RIOK1: variants seen among roughly 807,000 people sequenced by gnomAD.
RIOK1 encodes serine/threonine-protein kinase RIO1.
A neutral mutation model predicts 73.5 loss-of-function variants in RIOK1; 66 were observed. The ratio of observed to expected loss-of-function variants is 0.90; its 90% CI spans 0.74 to 1.10. The LOEUF (loss-of-function observed/expected upper bound fraction) is 1.10, where lower values mean the gene tolerates loss of function less well. Among genes scored for constraint, RIOK1 ranks in the 50% least tolerant of loss-of-function variants. The pLI, the probability that RIOK1 is intolerant of heterozygous loss-of-function variation, is 0.00. For synonymous variants in RIOK1, 224 were observed against 226.8 expected (o/e 0.99, Z 0.11); for missense variants, 658 against 699.8 (o/e 0.94, Z 0.67).
chr6:7,404,463 T>G lies in RIOK1; in HGVS notation c.900T>G (p.Ala300=), dbSNP rs767026116. The part of the protein sequence containing the change: ...LKNVQLSESK[A]RELYLQVIQY... ...ATGTCCAGTTATCAGAATCCAAGGC[T>G]CGGGAGTTGTACCTGCAGGTCATTC... The change falls in exon 10 of 17, where the codon GCT becomes GCG. Residue 300 remains alanine (A), a synonymous_variant. Coordinates refer to ENST00000379834, the MANE Select transcript of RIOK1 (RefSeq NM_031480.3). 3 of 1,614,168 alleles carry G rather than the reference T, an allele frequency of 1.9e-6. No individual in the cohort carries two copies. Among genetic ancestry groups the G allele is most frequent in the Non-Finnish European group, 2.5e-6 (3 of 1,180,010 alleles).
chr6:7,404,059 C>G, intron 9 of RIOK1, 32 bp downstream of exon 9: 1 of 1,389,316 alleles, frequency 7.2e-7, no homozygotes, highest in Non-Finnish European at 1.0e-6. Flanking sequence ...TAATTGCATT[C>G]TCAGAACTGT....
intron 3 of RIOK1, among the ~76,000 whole-genome samples, chr6:7,395,524 A>AG (rs1761451878): frequency 1.3e-5 from 2 of 151,978 alleles, no homozygotes; most frequent in South Asian, 4.1e-4. Context: ...AAAAAAAAAA[A>AG]AAAAGAAAAA....
intron 6 of RIOK1, 89 bp from the exon 7 acceptor site, chr6:7,402,514 C>A: frequency 1.2e-6 from 1 of 862,582 alleles, no homozygotes. Flanking sequence ...TATTTCAGTT[C>A]ACTTGACTTT....
chr6:7,414,223 T>C lies in RIOK1; in HGVS notation c.1444-15T>C. 1 of 1,597,848 alleles carries C rather than the reference T, an allele frequency of 6.3e-7. No individual in the cohort carries two copies. The highest frequency in any genetic ancestry group is 8.5e-7 in the Non-Finnish European group (1 of 1,174,940). ...TGTGTTGTTTAGAATAACATGGTTC[T>C]TTAATAATTTCAAGGTCCCTGCACT... On this transcript the variant is annotated splice_polypyrimidine_tract_variant and intron_variant, in intron 15 of 16. Coordinates refer to ENST00000379834, the MANE Select transcript of RIOK1 (RefSeq NM_031480.3).
rs374056877 is a variant in RIOK1, at chr6:7,389,828, A to G, written c.-175A>G. ...GTGAGGGGCTTCCGGTTGGGGTGGCAGGGTGGTGGATCTGTCGGTCCCGTT... is the reference window on the plus strand; with the variant it reads ...GTGAGGGGCTTCCGGTTGGGGTGGCGGGGTGGTGGATCTGTCGGTCCCGTT... On this transcript the variant is annotated 5_prime_UTR_variant, in exon 1 of 17. Transcript: ENST00000379834. The G allele has an allele frequency of 2.8e-5, 17 of 606,130 alleles. No individual in the cohort carries two copies. In the East Asian group the frequency reaches 3.6e-4, roughly 13 times the overall value. 37.5% of individuals were successfully genotyped at this position (606,130 alleles called of 1,614,324 possible).
chr6:7,401,923 C>A (rs545920164), intron 6 of RIOK1, among the ~76,000 whole-genome samples: 77 of 152,220 alleles, frequency 5.1e-4, no homozygotes, highest in Non-Finnish European at 7.8e-4. Flanking sequence ...AAGTGATTCA[C>A]CCGCCTTGGC....
chr6:7,414,532 T>C, intron 16 of RIOK1, 142 bp downstream of exon 16: 2 of 801,684 alleles, frequency 2.5e-6, no homozygotes, highest in South Asian at 2.2e-5. Flanking sequence ...AATACCTAAG[T>C]GTGAACTTGA....
intron 12 of RIOK1, among the ~76,000 whole-genome samples, chr6:7,409,253 GTGTGTGTGTGTGTGTGTT>G (rs1761828037): frequency 1.4e-5 from 2 of 148,136 alleles, no homozygotes; most frequent in African/African-American, 5.1e-5. Context: ...GTGTGTGTGT[GTGTGTGTGTGTGTGTGTT>G]TGAGATGGAG....
intron 12 of RIOK1, among the ~76,000 whole-genome samples, chr6:7,405,976 T>TC (rs1761735951): frequency 6.6e-6 from 1 of 151,524 alleles, no homozygotes; most frequent in Admixed American, 6.6e-5. Flanking sequence ...TTTCTTTCTT[T>TC]TTCTTTTTTC....
chr6:7,400,155 CTTG>C (rs1426945223), intron 5 of RIOK1, among the ~76,000 whole-genome samples: 2 of 152,192 alleles, frequency 1.3e-5, no homozygotes, highest in African/African-American at 4.8e-5. Context: ...ATTATTCTGG[CTTG>C]AAGGAAATGC....
chr6:7,401,740 A>G (rs1178899299), intron 6 of RIOK1, among the ~76,000 whole-genome samples: 1 of 131,680 alleles, frequency 7.6e-6, no homozygotes, highest in Non-Finnish European at 1.5e-5. Flanking sequence ...GTGTGGTGGC[A>G]TGTTCTCAGC....
intron 4 of RIOK1, among the ~76,000 whole-genome samples, chr6:7,398,428 G>A (rs1332765226): frequency 6.6e-6 from 1 of 152,088 alleles, no homozygotes; most frequent in Non-Finnish European, 1.5e-5. Flanking sequence ...ACTTTACCCT[G>A]GCGGCTCTTT....
At chr6:7,394,966 T>C in intron 2 of RIOK1, 87 bp from the exon 3 acceptor site, 1 of 1,562,178 alleles carries the variant, frequency 6.4e-7, no homozygotes, top group Admixed American at 1.9e-5. Context: ...GATGCTTTAA[T>C]AGCTAAGTAT....
chr6:7,409,795 C>T (rs1224948528), intron 12 of RIOK1, among the ~76,000 whole-genome samples: 2 of 103,144 alleles, frequency 1.9e-5, no homozygotes, highest in Non-Finnish European at 3.8e-5. Context: ...TGTCTAAACT[C>T]AAAAAAAAAA....
chr6:7,409,795 C>CAAAA (rs34196824), intron 12 of RIOK1, among the ~76,000 whole-genome samples: 1 of 103,140 alleles, frequency 9.7e-6, no homozygotes, highest in South Asian at 3.0e-4. Context: ...TGTCTAAACT[C>CAAAA]AAAAAAAAAA....
Position 7,401,030 on chromosome 6 carries a change from T to C in RIOK1, c.553T>C (p.Cys185Arg), listed in dbSNP as rs1197425574. 5 of 1,605,328 alleles carry C rather than the reference T, an allele frequency of 3.1e-6. No homozygotes were observed. The South Asian group carries it at 5.5e-5, about 18-fold the overall frequency. Reference sequence around the variant, plus strand: ...AGGAATCATAACAGAGATAAATGGCTGCATTAGCACAGGAAAAGAAGTGAG... The same window carrying C: ...AGGAATCATAACAGAGATAAATGGCCGCATTAGCACAGGAAAAGAAGTGAG... ...TRGIITEINGCISTGKEANVY... is the reference protein window; with the variant it reads ...TRGIITEINGRISTGKEANVY... The change falls in exon 6 of 17, where the codon TGC becomes CGC. Residue 185 changes from cysteine (C) to arginine (R), a missense_variant. Coordinates refer to ENST00000379834, the MANE Select transcript of RIOK1 (RefSeq NM_031480.3).
In RIOK1 at chr6:7,405,038, ATT is replaced by A. The variant is rs779306826; in HGVS notation, c.1096+20_1096+21del. Reference sequence around the variant, plus strand: ...ACGTCAATGGTGAGTAGAAACGGCAATTTTCGAAACAGCTCATTGGTCTGTTT... The same window carrying A: ...ACGTCAATGGTGAGTAGAAACGGCAATTCGAAACAGCTCATTGGTCTGTTT... On this transcript the variant is annotated intron_variant, in intron 11 of 16. Transcript: ENST00000379834. 6 of 1,600,566 alleles carry A rather than the reference ATT, an allele frequency of 3.7e-6. No homozygotes were observed. The highest frequency in any genetic ancestry group is 5.1e-6 in the Non-Finnish European group (6 of 1,168,648).
At chr6:7,412,816 T>C (rs1761918689) in intron 14 of RIOK1, 73 bp from the exon 15 acceptor site, 3 of 681,558 alleles carry the variant, frequency 4.4e-6, no homozygotes, top group African/African-American at 1.9e-5. Context: ...TTGTTCTTAA[T>C]AGTGCAATAT....
intron 3 of RIOK1, among the ~76,000 whole-genome samples, chr6:7,395,367 G>A (rs1761447384): frequency 1.3e-5 from 2 of 152,106 alleles, no homozygotes; most frequent in Non-Finnish European, 2.9e-5. Flanking sequence ...TACAAAATTA[G>A]CTGGGCGTGG....
Sources: gnomAD v4.1 joint callset for allele counts (sites outside exome capture counted in the v4.1 genomes callset) on GRCh38, gnomAD v4.1.1 for gene constraint, MANE v1.5 for transcripts, NCBI Gene and HGNC (gene_info 2026-07-23, HGNC 2026-07-21) for gene names.